Variants in STAT5B observed in about 807,000 individuals in gnomAD.
The protein encoded by STAT5B is transcription factor STAT5B.
Under a neutral mutation model 107.8 loss-of-function variants are expected in STAT5B, and 21 were observed. That is an observed-to-expected ratio of 0.19 (90% CI 0.14 to 0.28). The LOEUF (loss-of-function observed/expected upper bound fraction) is 0.28, where lower values mean the gene tolerates loss of function less well. Among genes scored for constraint, STAT5B ranks in the 10% least tolerant of loss-of-function variants. The probability of loss-of-function intolerance (pLI) is 1.00; values close to 1 mark genes in which losing one functional copy is unlikely to be tolerated. For synonymous variants in STAT5B, 325 were observed against 401.7 expected, an observed-to-expected ratio of 0.81 and a Z score of 2.28; for missense variants, 565 against 1,008.2, an observed-to-expected ratio of 0.56 and a Z score of 5.95.
chr17:42,278,531 T>A (rs1475828788), upstream of STAT5B, among the ~76,000 whole-genome samples: 1 of 151,976 alleles, frequency 6.6e-6, no homozygotes, highest in African/African-American at 2.4e-5. Context: ...TTTTTATTTT[T>A]ATTTTTTGGA....
At chr17:42,277,474 C>T (rs1443761197), upstream of STAT5B, among the ~76,000 whole-genome samples, 7 of 152,208 alleles carry the variant, frequency 4.6e-5, no homozygotes, top group Admixed American at 2.6e-4. Flanking sequence ...TCTTCACCTC[C>T]AGAATGACAC....
intron 1 of STAT5B, among the ~76,000 whole-genome samples, chr17:42,275,905 G>A (rs1361288065): frequency 6.6e-6 from 1 of 152,108 alleles, no homozygotes; most frequent in Admixed American, 6.5e-5. Flanking sequence ...TGAGGCGGCT[G>A]ACAGCAGCCC....
At position 42,223,504 on chromosome 17, in the gene STAT5B, T is replaced by G. The variant is rs771586939; in HGVS notation, c.428A>C (p.Gln143Pro). ...LADAMSQKHL[Q>P]INQTFEELRL... ...CAGCTCCTCAAACGTCTGGTTGATC[T>G]GGAGGTGTTTCTGGGACATGGCATC... The change falls in exon 5 of 19, where the codon CAG (glutamine) becomes CCG (proline). Residue 143 changes from glutamine to proline, a missense_variant. Physicochemically the swap from Gln to Pro is moderately conservative, Grantham distance 76. Coordinates refer to ENST00000293328, the MANE Select transcript of STAT5B (RefSeq NM_012448.4). 1 of 1,614,218 alleles carries G rather than the reference T, an allele frequency of 6.2e-7. No individual in the cohort carries two copies. Among genetic ancestry groups the G allele is most frequent in the Non-Finnish European group, 8.5e-7 (1 of 1,180,042 alleles).
intron 15 of STAT5B, among the ~76,000 whole-genome samples, chr17:42,208,334 T>C (rs573714978): frequency 5.9e-5 from 9 of 151,926 alleles, no homozygotes; most frequent in African/African-American, 2.2e-4. Flanking sequence ...ACCCTGTCTC[T>C]ACTAAAAATA....
At chr17:42,281,113 G>A (rs2080793750), upstream of STAT5B, among the ~76,000 whole-genome samples, 1 of 149,214 alleles carries the variant, frequency 6.7e-6, no homozygotes, top group Non-Finnish European at 1.5e-5. Context: ...CAGCCTGGGC[G>A]ACAGAGCGAG....
At chr17:42,255,170 A>C (rs1281886516) in intron 1 of STAT5B, among the ~76,000 whole-genome samples, 1 of 152,204 alleles carries the variant, frequency 6.6e-6, no homozygotes, top group Non-Finnish European at 1.5e-5. Flanking sequence ...CCCTGTGGAG[A>C]GTATGTCTCA....
In STAT5B at chr17:42,265,377, C is replaced by CTTTTTTTTTTTT. The variant is rs371149930; in HGVS notation, c.-11+10859_-11+10870dup. On this transcript the variant is annotated intron_variant, in intron 1 of 18. Coordinates refer to ENST00000293328, the MANE Select transcript of STAT5B (RefSeq NM_012448.4). ...GCTAAGTCAAAGGGTATGTACTCTTCTTTTTTTTTTTTGAGACGAAGTCTC... is the reference window on the plus strand; with the variant it reads ...GCTAAGTCAAAGGGTATGTACTCTTCTTTTTTTTTTTTTTTTTTTTTTTTGAGACGAAGTCTC... Among the ~76,000 whole-genome samples, 44 of 110,558 alleles carry CTTTTTTTTTTTT rather than the reference C, an allele frequency of 4.0e-4. 3 individuals are homozygous for CTTTTTTTTTTTT. Among genetic ancestry groups the CTTTTTTTTTTTT allele is most frequent in the African/African-American group, 9.8e-4 (27 of 27,690 alleles). The allele number at this position is 110,558 out of a possible 152,430, so 72.5% of individuals were successfully genotyped here. A position where few individuals can be genotyped will look rare whatever the true frequency, so the allele number is the denominator to read the frequency against.
the STAT5B span, among the ~76,000 whole-genome samples, chr17:42,281,869 C>T: frequency 3.3e-5 from 5 of 152,140 alleles, no homozygotes; most frequent in Non-Finnish European, 5.9e-5. Context: ...GAGGGTGGGG[C>T]GGACGCAGAG....
At chr17:42,264,288 T>C (rs2080647194) in intron 1 of STAT5B, among the ~76,000 whole-genome samples, 1 of 151,854 alleles carries the variant, frequency 6.6e-6, no homozygotes. Flanking sequence ...ACATGTGCCA[T>C]GCTGGTGTGC....
chr17:42,215,791 C>T (rs958279498), intron 12 of STAT5B, among the ~76,000 whole-genome samples: 7 of 151,990 alleles, frequency 4.6e-5, no homozygotes, highest in African/African-American at 1.4e-4. Context: ...GCTAATTTTT[C>T]GGTATTTTTT....
intron 1 of STAT5B, among the ~76,000 whole-genome samples, chr17:42,254,768 A>G: frequency 6.6e-6 from 1 of 152,124 alleles, no homozygotes; most frequent in African/African-American, 2.4e-5. Context: ...AGAAAGGAAG[A>G]TGTAATGAGA....
At chr17:42,273,008 A>C (rs946414274) in intron 1 of STAT5B, among the ~76,000 whole-genome samples, 12 of 152,214 alleles carry the variant, frequency 7.9e-5, no homozygotes, top group Non-Finnish European at 1.5e-4. Context: ...GAGGATCATC[A>C]TTAATAAAAC....
chr17:42,281,157 AC>A (rs200910869), upstream of STAT5B, among the ~76,000 whole-genome samples: 1 of 151,734 alleles, frequency 6.6e-6, no homozygotes. Flanking sequence ...AAAAACAAAA[AC>A]AAAAAAAAAC....
rs751772818 is a variant in STAT5B at position 42,223,569 on chromosome 17, G to T, written c.376-13C>A. On this transcript the variant is annotated splice_polypyrimidine_tract_variant and intron_variant, in intron 4 of 18. Transcript: ENST00000293328. ...CTGGAGAGCTACCCTGGGAACATATGGGGGGCAGTGCAAGGCAGTGCGAAT... is the reference window on the plus strand; with the variant it reads ...CTGGAGAGCTACCCTGGGAACATATTGGGGGCAGTGCAAGGCAGTGCGAAT... 1.2e-6 allele frequency: 2 copies of T among 1,613,892 alleles called. No homozygotes were observed. Among genetic ancestry groups the T allele is most frequent in the Non-Finnish European group, 1.7e-6 (2 of 1,179,942 alleles).
rs376776513 is a variant in STAT5B, at chr17:42,207,526, A to C, written c.2077+32T>G. Reference sequence around the variant, plus strand: ...ACACACACACACACACACACACACAACAAAATCAAATCAGAATGCGAACAT... The same window carrying C: ...ACACACACACACACACACACACACACCAAAATCAAATCAGAATGCGAACAT... On this transcript the variant is annotated intron_variant, in intron 16 of 18. Transcript: ENST00000293328. The C allele has an allele frequency of 2.6e-4, 420 of 1,596,602 alleles. 7 individuals carry two copies. The African/African-American group carries it at 5.1e-3, about 20-fold the overall frequency.
At chr17:42,208,750 G>A (rs568443176) in intron 15 of STAT5B, among the ~76,000 whole-genome samples, 70 of 150,380 alleles carry the variant, frequency 4.7e-4, no homozygotes, top group African/African-American at 1.7e-3. Flanking sequence ...TTTTTTTTTC[G>A]AGATGGAGTC....
At chr17:42,262,220 G>C (rs1435829123) in intron 1 of STAT5B, among the ~76,000 whole-genome samples, 1 of 151,762 alleles carries the variant, frequency 6.6e-6, no homozygotes. Flanking sequence ...GAGTACAGTG[G>C]AGCGATCACA....
intron 1 of STAT5B, among the ~76,000 whole-genome samples, chr17:42,247,735 C>T (rs144154475): frequency 1.6e-4 from 25 of 152,142 alleles, no homozygotes; most frequent in African/African-American, 6.0e-4. Flanking sequence ...ATCACCTGAG[C>T]TCAGGAGTTC....
At position 42,232,146 on chromosome 17, in the gene STAT5B, CAA is replaced by C; in HGVS notation, c.-10-11_-10-10del. On this transcript the variant is annotated splice_polypyrimidine_tract_variant and intron_variant, in intron 1 of 18. Coordinates refer to ENST00000293328, the MANE Select transcript of STAT5B (RefSeq NM_012448.4). ...CAGCCATGGTTTACAATCTGTTGAA[CAA>C]ACAATCAGTGCTTTGGGCGTTTTTT... 1 of 1,613,412 alleles carries C rather than the reference CAA, an allele frequency of 6.2e-7. No homozygotes were observed. The highest frequency in any genetic ancestry group is 8.5e-7 in the Non-Finnish European group (1 of 1,179,602).
Sources: gnomAD v4.1 joint callset for allele counts (sites outside exome capture counted in the v4.1 genomes callset) on GRCh38, gnomAD v4.1.1 for gene constraint, MANE v1.5 for transcripts, NCBI Gene and HGNC (gene_info 2026-07-23, HGNC 2026-07-21) for gene names.